OTUD7A: variants seen among roughly 807,000 people sequenced by gnomAD.
The protein encoded by OTUD7A is OTU domain-containing protein 7A.
A neutral mutation model predicts 65.7 loss-of-function variants in OTUD7A; 12 were observed. That is an observed-to-expected ratio of 0.18 (90% CI 0.12 to 0.30). The LOEUF (loss-of-function observed/expected upper bound fraction) is 0.30. Among genes scored for constraint, OTUD7A ranks in the 10% least tolerant of loss-of-function variants. The probability of loss-of-function intolerance (pLI) is 1.00; values close to 1 mark genes in which losing one functional copy is unlikely to be tolerated. For missense variants in OTUD7A, 1,148 were observed against 1,304.8 expected (o/e 0.88, Z 1.85); for synonymous variants, 641 against 586.3 (o/e 1.09, Z -1.35).
intron 3 of OTUD7A, among the ~76,000 whole-genome samples, chr15:31,634,640 G>C (rs1891283762): frequency 6.6e-6 from 1 of 152,208 alleles, no homozygotes. Context: ...TCCCGGCACA[G>C]TGCCCATCTG....
intron 3 of OTUD7A, among the ~76,000 whole-genome samples, chr15:31,621,393 T>C (rs1161868109): frequency 1.3e-5 from 2 of 152,174 alleles, no homozygotes; most frequent in Admixed American, 6.5e-5. Context: ...TATTATTGTG[T>C]GGGAGTCTAA....
At chr15:31,609,053 G>A (rs1028320941) in intron 3 of OTUD7A, among the ~76,000 whole-genome samples, 2 of 152,206 alleles carry the variant, frequency 1.3e-5, no homozygotes, top group South Asian at 2.1e-4. Context: ...AGAGCTGAGC[G>A]AAATACAGGG....
In OTUD7A at chr15:31,843,920, C is replaced by T. The variant is rs138548888; in HGVS notation, c.-100+26587G>A. Among the ~76,000 whole-genome samples, 529 of 152,234 alleles carry T rather than the reference C, an allele frequency of 3.5e-3. 3 individuals are homozygous for T. Among genetic ancestry groups the T allele is most frequent in the African/African-American group, 0.011 (475 of 41,524 alleles). On this transcript the variant is annotated intron_variant, in intron 1 of 12. Coordinates refer to ENST00000307050, the MANE Select transcript of OTUD7A (RefSeq NM_001382637.1). ...TGTGAGGTTCACAGTTTACACGGTT[C>T]GCACTGTGAGGACCACCCAGCCAGG...
At chr15:31,673,158 G>A (rs143048554) in intron 1 of OTUD7A, among the ~76,000 whole-genome samples, 4 of 152,240 alleles carry the variant, frequency 2.6e-5, no homozygotes, top group East Asian at 3.9e-4. Flanking sequence ...GAAATAAGTC[G>A]AACCATCGTT....
At chr15:31,784,955 G>A (rs762480502) in intron 1 of OTUD7A, among the ~76,000 whole-genome samples, 17 of 152,196 alleles carry the variant, frequency 1.1e-4, no homozygotes, top group South Asian at 1.0e-3. Flanking sequence ...AGAAGGGAGC[G>A]GCACTGCCCA....
At chr15:31,768,654 CAAAGAAAAAAAAAA>C (rs1207175221) in intron 1 of OTUD7A, among the ~76,000 whole-genome samples, 1 of 142,024 alleles carries the variant, frequency 7.0e-6, no homozygotes, top group Non-Finnish European at 1.5e-5. Flanking sequence ...GACCCCATCA[CAAAGAAAAAAAAAA>C]AAAGTGATAA....
intron 3 of OTUD7A, among the ~76,000 whole-genome samples, chr15:31,622,409 C>T (rs113021651): frequency 0.01 from 1,593 of 152,242 alleles, 8 homozygotes; most frequent in Non-Finnish European, 0.017. Context: ...ACCAATCAGA[C>T]GTGGATTTGG....
intron 8 of OTUD7A, among the ~76,000 whole-genome samples, chr15:31,504,691 T>TGAAGGAGTCTGTGAC (rs72228823): frequency 3.3e-5 from 5 of 151,594 alleles, no homozygotes; most frequent in African/African-American, 4.8e-5. Flanking sequence ...CAGAATTAGC[T>TGAAGGAGTCTGTGAC]GACGGCAGCA....
chr15:31,547,938 A>T (rs1024436413), intron 5 of OTUD7A, among the ~76,000 whole-genome samples: 1 of 152,262 alleles, frequency 6.6e-6, no homozygotes, highest in Non-Finnish European at 1.5e-5. Context: ...TGTAACAGTC[A>T]GTCACAAAAA....
At chr15:31,750,555 C>A (rs1201130234) in intron 1 of OTUD7A, among the ~76,000 whole-genome samples, 3 of 151,858 alleles carry the variant, frequency 2.0e-5, no homozygotes, top group Non-Finnish European at 4.4e-5. Context: ...CCAAAGAAAT[C>A]CTGAGCAAAA....
chr15:31,656,290 C>T (rs1891989410), intron 2 of OTUD7A, among the ~76,000 whole-genome samples: 3 of 152,284 alleles, frequency 2.0e-5, no homozygotes, highest in South Asian at 4.1e-4. Flanking sequence ...CAATCTTTGC[C>T]GGTGGAGTGC....
At chr15:31,507,662 C>G (rs1232277029) in intron 8 of OTUD7A, among the ~76,000 whole-genome samples, 1 of 151,598 alleles carries the variant, frequency 6.6e-6, no homozygotes, top group Non-Finnish European at 1.5e-5. Context: ...AGCTTTTATT[C>G]CCTTATTGGC....
intron 1 of OTUD7A, among the ~76,000 whole-genome samples, chr15:31,706,699 GCGCCGTGGATTTCA>G (rs1239110113): frequency 2.0e-5 from 3 of 149,002 alleles, no homozygotes; most frequent in Non-Finnish European, 4.4e-5. Context: ...CCCCCTGGAT[GCGCCGTGGATTTCA>G]CACAGTACTT....
intron 1 of OTUD7A, among the ~76,000 whole-genome samples, chr15:31,753,696 T>TAAA (rs1408625421): frequency 1.5e-4 from 2 of 13,152 alleles, no homozygotes; most frequent in African/African-American, 5.5e-4. Context: ...GATATATATA[T>TAAA]ATATATTATA....
At chr15:31,759,113 G>A (rs1288290204) in intron 1 of OTUD7A, among the ~76,000 whole-genome samples, 3 of 152,160 alleles carry the variant, frequency 2.0e-5, no homozygotes, top group African/African-American at 7.2e-5. Flanking sequence ...ATATCAATGT[G>A]CCATTGGGAG....
chr15:31,525,629 A>G (rs562360621), intron 8 of OTUD7A, among the ~76,000 whole-genome samples: 1 of 152,230 alleles, frequency 6.6e-6, no homozygotes, highest in Admixed American at 6.5e-5. Flanking sequence ...ACACTTTCTC[A>G]TGTTTGGCTG....
At chr15:31,665,849 A>C (rs1181213336) in intron 1 of OTUD7A, among the ~76,000 whole-genome samples, 1 of 152,174 alleles carries the variant, frequency 6.6e-6, no homozygotes, top group Non-Finnish European at 1.5e-5. Context: ...GATTTTGCTG[A>C]GAGTTTTAAT....
intron 3 of OTUD7A, among the ~76,000 whole-genome samples, chr15:31,641,551 T>C (rs995410843): frequency 1.5e-4 from 23 of 152,212 alleles, no homozygotes; most frequent in African/African-American, 4.8e-4. Flanking sequence ...CTCAACAATA[T>C]TGAGTCTTTT....
rs541203148 is a variant in OTUD7A at position 31,664,132 on chromosome 15, T to C, written c.-99-7055A>G. On this transcript the variant is annotated intron_variant, in intron 1 of 12. Transcript: ENST00000307050. ...ATTGTGAACTGTGCTGCTACAAACATGCGTGTGCAAGTATCTTCTTCGTAT... is the reference window on the plus strand; with the variant it reads ...ATTGTGAACTGTGCTGCTACAAACACGCGTGTGCAAGTATCTTCTTCGTAT... Among the ~76,000 whole-genome samples the C allele has an allele frequency of 2.0e-5, 3 of 152,356 alleles. No individual in the cohort carries two copies. In the East Asian group the frequency reaches 5.8e-4, roughly 29 times the overall value.
Sources: gnomAD v4.1 joint callset for allele counts (sites outside exome capture counted in the v4.1 genomes callset) on GRCh38, gnomAD v4.1.1 for gene constraint, MANE v1.5 for transcripts, NCBI Gene and HGNC (gene_info 2026-07-23, HGNC 2026-07-21) for gene names.